The following AP1G1 variants were observed in gnomAD, a reference collection of about 807,000 sequenced individuals.
The protein encoded by AP1G1 is AP-1 complex subunit gamma-1.
Under a neutral mutation model 108.3 loss-of-function variants are expected in AP1G1, and 7 were observed. The ratio of observed to expected loss-of-function variants is 0.06; its 90% confidence interval spans 0.04 to 0.12. The LOEUF is 0.12. AP1G1 is among the 10% of genes least tolerant of loss of function. The pLI, the probability that AP1G1 is intolerant of heterozygous loss-of-function variation, is 1.00. For missense variants in AP1G1, 756 were observed against 1,010.7 expected (o/e 0.75, Z 3.42); for synonymous variants, 379 against 353.5 (o/e 1.07, Z -0.81).
At chr16:71,803,347 T>C (rs1567666930) in intron 1 of AP1G1, among the ~76,000 whole-genome samples, 1 of 152,260 alleles carries the variant, frequency 6.6e-6, no homozygotes, top group Admixed American at 6.5e-5. Context: ...ACATTTATGA[T>C]TTACTAATTA....
chr16:71,787,817 T>C (rs1483384954), intron 2 of AP1G1, among the ~76,000 whole-genome samples: 3 of 152,192 alleles, frequency 2.0e-5, no homozygotes, highest in African/African-American at 4.8e-5. Flanking sequence ...CCTAACACTC[T>C]ACGAATGAAA....
intron 2 of AP1G1, among the ~76,000 whole-genome samples, chr16:71,785,591 A>G (rs912445070): frequency 3.3e-5 from 5 of 150,858 alleles, no homozygotes; most frequent in African/African-American, 1.2e-4. Flanking sequence ...AAAAAAAAAA[A>G]AAAAAAAAGT....
intron 5 of AP1G1, 137 bp from the exon 6 acceptor site, chr16:71,769,836 C>A (rs540184406): frequency 3.2e-6 from 2 of 630,630 alleles, no homozygotes; most frequent in East Asian, 3.0e-5. Context: ...AGCATCTAAG[C>A]ATTGAAGTGA....
intron 16 of AP1G1, chr16:71,747,207 G>A (rs2030227383): frequency 6.6e-6 from 1 of 152,128 alleles, no homozygotes; most frequent in African/African-American, 2.4e-5. Flanking sequence ...AACTACGTTG[G>A]CCTTAAATAT....
chr16:71,756,586 A>C (rs1342506474), intron 11 of AP1G1, among the ~76,000 whole-genome samples: 3 of 152,070 alleles, frequency 2.0e-5, no homozygotes, highest in African/African-American at 7.2e-5. Flanking sequence ...ATTACACCCC[A>C]CTCTGTCCAA....
chr16:71,797,523 G>A (rs754294111), intron 1 of AP1G1, among the ~76,000 whole-genome samples: 1 of 152,034 alleles, frequency 6.6e-6, no homozygotes, highest in African/African-American at 2.4e-5. Flanking sequence ...TAATATAGCC[G>A]GAGACGGTGG....
At chr16:71,761,764 T>C (rs1402135796) in intron 9 of AP1G1, among the ~76,000 whole-genome samples, 197 bp from the exon 10 acceptor site, 1 of 124,740 alleles carries the variant, frequency 8.0e-6, no homozygotes, top group Non-Finnish European at 1.6e-5. Context: ...GGTCAGTGAG[T>C]CAAGATCATA....
intron 15 of AP1G1, 137 bp downstream of exon 15, chr16:71,749,757 C>T (rs2030387833): frequency 1.4e-6 from 1 of 710,894 alleles, no homozygotes. Context: ...TCCCAAAGCG[C>T]TGGGATTATA....
rs1207662361 is a variant in AP1G1 at position 71,773,490 on chromosome 16, G to C, written c.327-128C>G. On this transcript the variant is annotated intron_variant, in intron 3 of 22. Transcript: ENST00000299980. The stretch of plus-strand genomic sequence containing the variant: ...AAAAACAATAGGATTATTTGTTGCA[G>C]AAAATGTTTATCCCAACTTTATTAC... The C allele has an allele frequency of 3.1e-6, 3 of 963,720 alleles. No homozygotes were observed. In the East Asian group the frequency reaches 9.0e-5, roughly 29 times the overall value. 59.7% of individuals were successfully genotyped at this position (963,720 alleles called of 1,614,324 possible). A position where few individuals can be genotyped will look rare whatever the true frequency, so the allele number is the denominator to read the frequency against.
intron 19 of AP1G1, chr16:71,743,249 T>G (rs1253617669): frequency 6.6e-6 from 1 of 152,174 alleles, no homozygotes; most frequent in Non-Finnish European, 1.5e-5. Context: ...ATTTTGAAAT[T>G]TTGTTAAGAC....
At chr16:71,772,289 G>T (rs939169159) in intron 4 of AP1G1, among the ~76,000 whole-genome samples, 1 of 151,922 alleles carries the variant, frequency 6.6e-6, no homozygotes, top group Admixed American at 6.6e-5. Flanking sequence ...CACCACGCCC[G>T]GCTAATTTTT....
rs2030417794 is a variant in AP1G1 at position 71,750,335 on chromosome 16, A to G, written c.1285-3T>C. The G allele has an allele frequency of 2.5e-6, 4 of 1,613,698 alleles. No homozygotes were observed. Among genetic ancestry groups the G allele is most frequent in the Non-Finnish European group, 3.4e-6 (4 of 1,179,904 alleles). ...TCATCACGAACATAACTTCCTGCCTAAAAGGAAATGCAGACAATTACCCCT... is the reference window on the plus strand; with the variant it reads ...TCATCACGAACATAACTTCCTGCCTGAAAGGAAATGCAGACAATTACCCCT... On this transcript the variant is annotated splice_polypyrimidine_tract_variant and splice_region_variant and intron_variant, in intron 13 of 22. Transcript: ENST00000299980.
rs2030132054 is a variant in AP1G1, at chr16:71,745,622, A to G, written c.1731-8T>C. 1 of 1,612,726 alleles carries G rather than the reference A, an allele frequency of 6.2e-7. No homozygotes were observed. The highest frequency in any genetic ancestry group is 1.3e-5 in the African/African-American group (1 of 74,878). On this transcript the variant is annotated splice_region_variant and splice_polypyrimidine_tract_variant and intron_variant, in intron 17 of 22. Transcript: ENST00000299980. Reference sequence around the variant, plus strand: ...CTCTCAAGTAGGGCAGACCTAGAAGAATCTGAAGTGGTTAAATTCTAGGCA... The same window carrying G: ...CTCTCAAGTAGGGCAGACCTAGAAGGATCTGAAGTGGTTAAATTCTAGGCA...
At chr16:71,760,445 T>C (rs1372866054) in intron 10 of AP1G1, among the ~76,000 whole-genome samples, 1 of 149,940 alleles carries the variant, frequency 6.7e-6, no homozygotes, top group Non-Finnish European at 1.5e-5. Context: ...CTCGGGAGGG[T>C]GAGGCAAGAG....
chr16:71,779,758 A>C (rs1397130147), intron 2 of AP1G1, among the ~76,000 whole-genome samples: 1 of 152,110 alleles, frequency 6.6e-6, no homozygotes, highest in Non-Finnish European at 1.5e-5. Context: ...GCCATTTATC[A>C]GTGTTTAATC....
At chr16:71,754,239 GAAAGA>G (rs946520099) in intron 12 of AP1G1, among the ~76,000 whole-genome samples, 16 of 147,276 alleles carry the variant, frequency 1.1e-4, no homozygotes, top group African/African-American at 3.8e-4. Context: ...AGAAAGGGAA[GAAAGA>G]GAAGAGAAGA....
intron 1 of AP1G1, 79 bp downstream of exon 1, chr16:71,808,684 G>C: frequency 1.6e-6 from 2 of 1,286,792 alleles, no homozygotes; most frequent in South Asian, 2.5e-5. Context: ...GAAACTGAAA[G>C]GAAGCTTCCG....
chr16:71,746,371 A>T (rs1269672882), intron 17 of AP1G1, among the ~76,000 whole-genome samples: 1 of 152,246 alleles, frequency 6.6e-6, no homozygotes, highest in Non-Finnish European at 1.5e-5. Context: ...AAAAAAGTGT[A>T]AGTGTTGGAG....
At chr16:71,742,162 A>G (rs898008826) in intron 19 of AP1G1, 4 of 152,154 alleles carry the variant, frequency 2.6e-5, no homozygotes, top group African/African-American at 9.6e-5. Context: ...ATATAACACT[A>G]GGAAAACAAG....
Sources: gnomAD v4.1 joint callset for allele counts (sites outside exome capture counted in the v4.1 genomes callset) on GRCh38, gnomAD v4.1.1 for gene constraint, MANE v1.5 for transcripts, NCBI Gene and HGNC (gene_info 2026-07-23, HGNC 2026-07-21) for gene names.